Variants in CPEB1 observed in about 807,000 individuals in gnomAD.
CPEB1 encodes the protein cytoplasmic polyadenylation element-binding protein 1.
Under a neutral mutation model 65.8 loss-of-function variants are expected in CPEB1, and 7 were observed. The observed-to-expected ratio is 0.11, with a 90% CI of 0.06 to 0.20. CPEB1 has a LOEUF of 0.20. Among genes scored for constraint, CPEB1 ranks in the 10% least tolerant of loss-of-function variants. CPEB1 has a pLI of 1.00. For synonymous variants in CPEB1, 262 were observed against 260.0 expected, an observed-to-expected ratio of 1.01 and a Z score of -0.08; for missense variants, 551 against 712.2, an observed-to-expected ratio of 0.77 and a Z score of 2.58.
At chr15:82,553,806 T>C (rs1439312125) in intron 7 of CPEB1, 72 bp downstream of exon 7, 2 of 1,130,116 alleles carry the variant, frequency 1.8e-6, no homozygotes, top group Non-Finnish European at 2.7e-6. Flanking sequence ...CTGGCCTCAA[T>C]TCCAAGTTTC....
chr15:82,577,633 G>A (rs1392473164), intron 3 of CPEB1, among the ~76,000 whole-genome samples: 1 of 152,074 alleles, frequency 6.6e-6, no homozygotes, highest in Non-Finnish European at 1.5e-5. Flanking sequence ...TCCTACCTCA[G>A]CCTCCCAAGT....
At chr15:82,561,965 T>C (rs939583550) in intron 4 of CPEB1, among the ~76,000 whole-genome samples, 4 of 152,228 alleles carry the variant, frequency 2.6e-5, no homozygotes, top group Non-Finnish European at 5.9e-5. Context: ...ACTGAACGTC[T>C]AGCACATGTC....
At chr15:82,595,668 T>G (rs560149248) in intron 3 of CPEB1, among the ~76,000 whole-genome samples, 24 of 152,326 alleles carry the variant, frequency 1.6e-4, no homozygotes, top group Non-Finnish European at 3.4e-4. Context: ...GAAAGTAAAG[T>G]AAAATAAGCA....
At chr15:82,593,272 T>C (rs1244528374) in intron 3 of CPEB1, among the ~76,000 whole-genome samples, 1 of 152,230 alleles carries the variant, frequency 6.6e-6, no homozygotes, top group Non-Finnish European at 1.5e-5. Context: ...GTCAATCCTC[T>C]CAAACTCTGC....
intron 3 of CPEB1, among the ~76,000 whole-genome samples, chr15:82,573,964 T>A (rs991640695): frequency 1.3e-5 from 2 of 151,958 alleles, no homozygotes; most frequent in African/African-American, 4.8e-5. Flanking sequence ...GTAGTTCCCA[T>A]CTCAAAAGTT....
At chr15:82,614,841 AAATAT>A (rs952308083) in intron 3 of CPEB1, among the ~76,000 whole-genome samples, 6 of 141,708 alleles carry the variant, frequency 4.2e-5, no homozygotes, top group African/African-American at 1.0e-4. Context: ...CAACTCTTTA[AAATAT>A]AAGTGTGTGT....
chr15:82,647,972 G>T, upstream of CPEB1: 1 of 935,044 alleles, frequency 1.1e-6, no homozygotes, highest in Non-Finnish European at 1.4e-6. Context: ...GCCGCGCGCA[G>T]CCCCGCACCC....
At chr15:82,562,565 T>A (rs1198998660) in intron 4 of CPEB1, among the ~76,000 whole-genome samples, 1 of 152,070 alleles carries the variant, frequency 6.6e-6, no homozygotes, top group Admixed American at 6.6e-5. Flanking sequence ...TATGGCCAAG[T>A]GCAGTGGTTC....
At chr15:82,622,598 G>A (rs2045402257) in intron 3 of CPEB1, among the ~76,000 whole-genome samples, 1 of 152,032 alleles carries the variant, frequency 6.6e-6, no homozygotes, top group Admixed American at 6.6e-5. Context: ...CGCCATGTTG[G>A]TCAGGCTGGT....
chr15:82,545,346 T>G (rs2034989582), intron 12 of CPEB1, among the ~76,000 whole-genome samples: 1 of 152,198 alleles, frequency 6.6e-6, no homozygotes, highest in Non-Finnish European at 1.5e-5. Context: ...AGCCTCAGTT[T>G]AACCATATTC....
intron 1 of CPEB1, among the ~76,000 whole-genome samples, chr15:82,645,649 C>G (rs1347170514): frequency 1.3e-5 from 2 of 152,012 alleles, no homozygotes; most frequent in African/African-American, 4.8e-5. Flanking sequence ...GTGGGCGGAT[C>G]ACGAGGTCAG....
intron 3 of CPEB1, among the ~76,000 whole-genome samples, chr15:82,613,809 C>CCCG (rs1392310113): frequency 2.6e-5 from 4 of 152,136 alleles, no homozygotes; most frequent in African/African-American, 7.2e-5. Context: ...AAGCTCCCCC[C>CCCG]GGGGAGAGAG....
At position 82,625,885 on chromosome 15, in the gene CPEB1, G is replaced by A. The variant is rs193098396; in HGVS notation, c.271+1308C>T. 6.9e-4 allele frequency among the ~76,000 whole-genome samples: 104 copies of A among 151,062 alleles called. 1 individual carries two copies. The East Asian group carries it at 0.014, about 20-fold the overall frequency. ...TGTAATCCCAGCACTTTGGGAGGCC[G>A]AGGTGGGTGGATCACCTGACGTCAG... On this transcript the variant is annotated intron_variant, in intron 3 of 12. Coordinates refer to ENST00000684509, the MANE Select transcript of CPEB1 (RefSeq NM_001365242.1).
intron 3 of CPEB1, chr15:82,571,848 C>G (rs780998354): frequency 4.8e-5 from 54 of 1,114,956 alleles, no homozygotes; most frequent in Non-Finnish European, 5.8e-5. Flanking sequence ...AGAGCGGCAT[C>G]ATCCCTCACA....
At chr15:82,631,618 T>C (rs2046253196) in intron 1 of CPEB1, among the ~76,000 whole-genome samples, 1 of 152,164 alleles carries the variant, frequency 6.6e-6, no homozygotes, top group Admixed American at 6.5e-5. Context: ...ATCATTATTA[T>C]TATTCAGAGG....
In CPEB1 at chr15:82,621,896, T is replaced by A. The variant is rs569460433; in HGVS notation, c.271+5297A>T. Among the ~76,000 whole-genome samples the A allele has an allele frequency of 4.6e-5, 7 of 152,354 alleles. No homozygotes were observed. The East Asian group carries it at 9.6e-4, about 21-fold the overall frequency. ...TTCTAAACCTCCAAGCTATTTTAAC[T>A]GATTATTGAGAAATGGCATCTCAGT... On this transcript the variant is annotated intron_variant, in intron 3 of 12. Transcript: ENST00000684509.
chr15:82,644,449 G>A (rs2047338401), intron 1 of CPEB1, among the ~76,000 whole-genome samples: 1 of 152,178 alleles, frequency 6.6e-6, no homozygotes, highest in Admixed American at 6.5e-5. Flanking sequence ...AAAACAGCGG[G>A]GAAATCCAAA....
chr15:82,575,277 G>A (rs2040529551), intron 3 of CPEB1, among the ~76,000 whole-genome samples: 1 of 152,120 alleles, frequency 6.6e-6, no homozygotes, highest in Admixed American at 6.6e-5. Flanking sequence ...GGGGAGGAGG[G>A]AATAAACTCT....
intron 12 of CPEB1, among the ~76,000 whole-genome samples, 163 bp from the exon 13 acceptor site, chr15:82,544,865 G>T (rs1264310503): frequency 6.6e-6 from 1 of 152,172 alleles, no homozygotes; most frequent in East Asian, 1.9e-4. Flanking sequence ...CCCCAACACA[G>T]AAGCCTGATT....
Sources: allele counts gnomAD v4.1 joint callset (sites outside exome capture counted in the v4.1 genomes callset), GRCh38; gene constraint gnomAD v4.1.1; transcripts MANE v1.5; gene names NCBI Gene and HGNC (gene_info 2026-07-23, HGNC 2026-07-21).